SORCS3: variants seen among roughly 807,000 people sequenced by gnomAD.
SORCS3 encodes the protein VPS10 domain-containing receptor SorCS3.
In SORCS3, 57 loss-of-function variants were observed where a neutral mutation model predicts 146.3. That is an observed-to-expected ratio of 0.39 (90% CI 0.31 to 0.49). The LOEUF (loss-of-function observed/expected upper bound fraction) is 0.49, where lower values mean the gene tolerates loss of function less well. SORCS3 is among the 20% of genes least tolerant of loss of function. The probability of loss-of-function intolerance (pLI) is 0.92; values close to 1 mark genes in which losing one functional copy is unlikely to be tolerated. For missense variants in SORCS3, 1,341 were observed against 1,575.5 expected (o/e 0.85, Z 2.52); for synonymous variants, 653 against 618.5 (o/e 1.06, Z -0.83).
chr10:105,048,283 C>A (rs2055387747), intron 5 of SORCS3, among the ~76,000 whole-genome samples: 1 of 147,648 alleles, frequency 6.8e-6, no homozygotes, highest in Admixed American at 6.8e-5. Context: ...TGGAACCAAC[C>A]CAAATGTCCA....
chr10:105,135,624 C>G (rs1404599011), intron 7 of SORCS3, among the ~76,000 whole-genome samples: 1 of 152,128 alleles, frequency 6.6e-6, no homozygotes, highest in African/African-American at 2.4e-5. Context: ...TCTCTTCTTG[C>G]GTTTTACTAT....
intron 3 of SORCS3, among the ~76,000 whole-genome samples, chr10:104,965,040 A>T (rs2054818555): frequency 6.6e-6 from 1 of 152,196 alleles, no homozygotes. Flanking sequence ...CATGTGTCAG[A>T]ATTTCCTTCC....
Position 104,641,356 on chromosome 10 carries a change from C to G in SORCS3, c.29C>G (p.Ala10Gly), listed in dbSNP as rs2015411338. MEAARTERP[A>G]GRPGAPLVRT... The stretch of plus-strand genomic sequence containing the variant: ...GAGGCGGCGCGCACGGAGCGCCCCG[C>G]AGGCAGGCCGGGGGCGCCGCTTGTC... Residue 10 changes from alanine to glycine, a missense_variant, in exon 1 of 27, where the codon GCA becomes GGA. Physicochemically the swap from Ala to Gly is moderately conservative, Grantham distance 60. Coordinates refer to ENST00000369701, the MANE Select transcript of SORCS3 (RefSeq NM_014978.3). This position sits in a 1 kb window ranked among gnomAD's most constrained non-coding sequence, Gnocchi z 6.4. 4.3e-6 allele frequency: 6 copies of G among 1,383,896 alleles called. No homozygotes were observed. The highest frequency in any genetic ancestry group is 5.6e-6 in the Non-Finnish European group (6 of 1,073,116). 85.7% of individuals were successfully genotyped at this position (1,383,896 alleles called of 1,614,324 possible).
intron 1 of SORCS3, 68 bp downstream of exon 1, chr10:104,642,022 G>GTGGGGGGGGGGGGGGGGCCCC: frequency 5.8e-6 from 1 of 173,336 alleles, no homozygotes; most frequent in Non-Finnish European, 1.1e-5. Flanking sequence ...GGGTGGGTGG[G>GTGGGGGGGGGGGGGGGGCCCC]AGCGAGGGAC....
At chr10:105,182,699 GTTGT>G (rs2056450682) in intron 14 of SORCS3, among the ~76,000 whole-genome samples, 1 of 151,978 alleles carries the variant, frequency 6.6e-6, no homozygotes, top group African/African-American at 2.4e-5. Context: ...TGTTGTTGAT[GTTGT>G]TTGTTTGTTT....
Position 104,847,327 on chromosome 10 carries a change from G to C in SORCS3, c.695+4468G>C, listed in dbSNP as rs2018217033. 3.3e-5 allele frequency among the ~76,000 whole-genome samples: 5 copies of C among 152,288 alleles called. 1 individual carries two copies. The South Asian group carries it at 1.0e-3, about 32-fold the overall frequency. ...TGAGGATTTATGTTTCTGATTGGCA[G>C]ATCGTTTCTTGGACTCATTTCTGTA... On this transcript the variant is annotated intron_variant, in intron 2 of 26. Transcript: ENST00000369701.
At chr10:105,000,179 A>T (rs1025522672) in intron 4 of SORCS3, among the ~76,000 whole-genome samples, 1 of 152,186 alleles carries the variant, frequency 6.6e-6, no homozygotes, top group Non-Finnish European at 1.5e-5. Flanking sequence ...GGTACAGAAG[A>T]AAACAGAGTG....
intron 3 of SORCS3, among the ~76,000 whole-genome samples, chr10:104,946,336 C>G (rs187023374): frequency 6.6e-6 from 1 of 152,132 alleles, no homozygotes; most frequent in Non-Finnish European, 1.5e-5. Flanking sequence ...GCACCCTCCT[C>G]CTCTGCTGTT....
chr10:104,891,942 A>T (rs1408719459), intron 2 of SORCS3, among the ~76,000 whole-genome samples: 1 of 152,240 alleles, frequency 6.6e-6, no homozygotes, highest in Non-Finnish European at 1.5e-5. Flanking sequence ...CACAAAGAGA[A>T]TGAACTTCAT....
At chr10:104,699,113 TG>T (rs1430546260) in intron 1 of SORCS3, among the ~76,000 whole-genome samples, 2 of 152,184 alleles carry the variant, frequency 1.3e-5, no homozygotes, top group Non-Finnish European at 2.9e-5. Flanking sequence ...CACTGATTCC[TG>T]GGACGTTTTG....
chr10:105,143,402 A>G (rs1164898050), intron 8 of SORCS3, among the ~76,000 whole-genome samples: 1 of 152,034 alleles, frequency 6.6e-6, no homozygotes, highest in Non-Finnish European at 1.5e-5. Flanking sequence ...CCCAGCCCAT[A>G]TCTCTCCATT....
At chr10:104,982,289 G>A (rs1163950920) in intron 4 of SORCS3, among the ~76,000 whole-genome samples, 1 of 152,150 alleles carries the variant, frequency 6.6e-6, no homozygotes, top group Admixed American at 6.5e-5. Flanking sequence ...AAATTCAAAA[G>A]GAAATGTAAA....
chr10:104,641,714 G>A lies in SORCS3; in HGVS notation c.387G>A (p.Arg129=). ...CTCCTGCCAAGCTTGGCGGCGCGAG[G>A]AGGAGTCGCCGGGCGCAGCCCCCAA... ...IPAPAKLGGA[R]RSRRAQPPIT... Residue 129 remains arginine (R), a synonymous_variant, in exon 1 of 27, where the codon AGG becomes AGA. Transcript: ENST00000369701. This position sits in a 1 kb window ranked among gnomAD's most constrained non-coding sequence, Gnocchi z 6.4. 1 of 1,541,412 alleles carries A rather than the reference G, an allele frequency of 6.5e-7. No individual in the cohort carries two copies. The highest frequency in any genetic ancestry group is 8.7e-7 in the Non-Finnish European group (1 of 1,144,994).
intron 1 of SORCS3, among the ~76,000 whole-genome samples, chr10:104,832,718 CAAAT>C (rs148553473): frequency 0.013 from 1,776 of 133,628 alleles, 34 homozygotes; most frequent in African/African-American, 0.042. Context: ...AACTCCATCT[CAAAT>C]AAATAAATAA....
chr10:104,831,198 A>C (rs1446381563), intron 1 of SORCS3, among the ~76,000 whole-genome samples: 1 of 152,176 alleles, frequency 6.6e-6, no homozygotes, highest in Non-Finnish European at 1.5e-5. Flanking sequence ...AAGTTCCATT[A>C]GTTGCTAAAC....
chr10:104,751,111 G>A lies in SORCS3; in HGVS notation c.628-91681G>A, dbSNP rs75461822. On this transcript the variant is annotated intron_variant, in intron 1 of 26. Coordinates refer to ENST00000369701, the MANE Select transcript of SORCS3 (RefSeq NM_014978.3). Reference sequence around the variant, plus strand: ...ACATTATAGCAGCCTTTAGATGCAGGAAGGGGTGTCAAGTACAGGAGATAT... The same window carrying A: ...ACATTATAGCAGCCTTTAGATGCAGAAAGGGGTGTCAAGTACAGGAGATAT... Among the ~76,000 whole-genome samples, 177 of 152,292 alleles carry A rather than the reference G, an allele frequency of 1.2e-3. 3 individuals carry two copies. In the East Asian group the frequency reaches 0.033, roughly 28 times the overall value.
At chr10:104,651,173 C>T (rs969007928) in intron 1 of SORCS3, among the ~76,000 whole-genome samples, 2 of 152,162 alleles carry the variant, frequency 1.3e-5, no homozygotes, top group African/African-American at 4.8e-5. Flanking sequence ...GAAAGAGTTG[C>T]TTATCTCACT....
chr10:104,711,542 C>T (rs941787517), intron 1 of SORCS3, among the ~76,000 whole-genome samples: 1 of 152,212 alleles, frequency 6.6e-6, no homozygotes, highest in African/African-American at 2.4e-5. Flanking sequence ...GTTTTAAGGG[C>T]TCTGTTAAGC....
chr10:104,849,181 C>CGGGT (rs1262839985), intron 2 of SORCS3, among the ~76,000 whole-genome samples: 1 of 151,978 alleles, frequency 6.6e-6, no homozygotes, highest in Non-Finnish European at 1.5e-5. Flanking sequence ...GAGGCTCAGG[C>CGGGT]GGGTGGATTA....
Sources: gnomAD v4.1 joint callset for allele counts (sites outside exome capture counted in the v4.1 genomes callset) on GRCh38, gnomAD v4.1.1 for gene constraint, Gnocchi (gnomAD v3.1) non-coding constraint, MANE v1.5 for transcripts, NCBI Gene and HGNC (gene_info 2026-07-23, HGNC 2026-07-21) for gene names.